Variants in DGKG observed in about 807,000 individuals in gnomAD.
DGKG encodes the protein diacylglycerol kinase gamma.
DGKG carries 78 observed loss-of-function variants against 105.3 expected under a neutral mutation model. That is an observed-to-expected ratio of 0.74 (90% CI 0.62 to 0.89). The LOEUF (loss-of-function observed/expected upper bound fraction) is 0.89. DGKG is among the 40% of genes least tolerant of loss of function. The pLI is 0.00. For missense variants in DGKG, 958 were observed against 1,020.1 expected (o/e 0.94, Z 0.83); for synonymous variants, 346 against 367.1 (o/e 0.94, Z 0.66).
rs1156801827 is a variant in DGKG, at chr3:186,260,529, G to A, written c.1350-16C>T. 3.2e-6 allele frequency: 5 copies of A among 1,566,572 alleles called. No individual in the cohort carries two copies. The highest frequency in any genetic ancestry group is 2.2e-5 in the South Asian group (2 of 89,216). ...CCGAAGAATTCTATGGAAAAAAAAA[G>A]AAAAGGAGGGAGAGAGAGAGACAGA... On this transcript the variant is annotated splice_polypyrimidine_tract_variant and intron_variant, in intron 15 of 24. Transcript: ENST00000265022.
intron 23 of DGKG, among the ~76,000 whole-genome samples, chr3:186,163,373 T>C (rs1418575104): frequency 6.6e-6 from 1 of 152,142 alleles, no homozygotes; most frequent in Non-Finnish European, 1.5e-5. Context: ...GAATTCATAA[T>C]ACATTGCTTT....
At position 186,242,609 on chromosome 3, in the gene DGKG, C is replaced by A; in HGVS notation, c.1762-41G>T. ...ACAAAGCAGATCCTTGGTGAGTGGT[C>A]ATGACAGTGCAGTGCGGAGGGAAGG... On this transcript the variant is annotated intron_variant, in intron 19 of 24. Transcript: ENST00000265022. The A allele has an allele frequency of 1.9e-6, 3 of 1,581,846 alleles. No individual in the cohort carries two copies. In the South Asian group the frequency reaches 3.4e-5, roughly 18 times the overall value.
chr3:186,360,752 T>C (rs1727188211), intron 1 of DGKG, among the ~76,000 whole-genome samples: 1 of 152,196 alleles, frequency 6.6e-6, no homozygotes, highest in African/African-American at 2.4e-5. Context: ...ATAACAAAGT[T>C]GATTCCCCCA....
At chr3:186,267,299 G>A (rs934120803) in intron 13 of DGKG, among the ~76,000 whole-genome samples, 5 of 152,236 alleles carry the variant, frequency 3.3e-5, no homozygotes, top group African/African-American at 9.6e-5. Context: ...CAGGGTACTC[G>A]GGGTGGTCAG....
At chr3:186,356,721 G>A (rs1277202190) in intron 1 of DGKG, among the ~76,000 whole-genome samples, 2 of 152,162 alleles carry the variant, frequency 1.3e-5, no homozygotes, top group African/African-American at 4.8e-5. Flanking sequence ...GGAGCAAATG[G>A]CCCATGAGGT....
In DGKG at chr3:186,148,283, G is replaced by C. The variant is rs891448427; in HGVS notation, c.*1807C>G. 1 of 985,460 alleles carries C rather than the reference G, an allele frequency of 1.0e-6. No homozygotes were observed. Among genetic ancestry groups the C allele is most frequent in the Non-Finnish European group, 1.2e-6 (1 of 829,962 alleles). 61.0% of individuals were successfully genotyped at this position (985,460 alleles called of 1,614,324 possible). A position where few individuals can be genotyped will look rare whatever the true frequency, so the allele number is the denominator to read the frequency against. On this transcript the variant is annotated 3_prime_UTR_variant, in exon 25 of 25. Coordinates refer to ENST00000265022, the MANE Select transcript of DGKG (RefSeq NM_001346.3). ...TGCAGAAGACGCCTCAGTCCTTCTT[G>C]TGACTCTCCACTGAGGTCATCCCTG...
chr3:186,289,794 G>A (rs1198293415), intron 5 of DGKG, among the ~76,000 whole-genome samples: 2 of 152,202 alleles, frequency 1.3e-5, no homozygotes, highest in African/African-American at 2.4e-5. Context: ...AGTACTGAAG[G>A]TAGAGGCAGT....
intron 21 of DGKG, among the ~76,000 whole-genome samples, chr3:186,202,922 A>T (rs1365122162): frequency 6.6e-6 from 1 of 152,280 alleles, no homozygotes; most frequent in Non-Finnish European, 1.5e-5. Context: ...AGATAGAGCC[A>T]GGAGTCTGAA....
chr3:186,327,163 C>G (rs529793041), intron 1 of DGKG, among the ~76,000 whole-genome samples: 1 of 152,122 alleles, frequency 6.6e-6, no homozygotes, highest in East Asian at 1.9e-4. Context: ...GATCCCGTCT[C>G]AAAACAAAAA....
chr3:186,254,557 G>C (rs1467535387), intron 17 of DGKG, among the ~76,000 whole-genome samples: 1 of 152,150 alleles, frequency 6.6e-6, no homozygotes, highest in Admixed American at 6.5e-5. Context: ...GTTTAGGCTA[G>C]AAAGCTGTAT....
At chr3:186,253,871 G>C (rs1354870847) in intron 17 of DGKG, among the ~76,000 whole-genome samples, 1 of 152,122 alleles carries the variant, frequency 6.6e-6, no homozygotes, top group Admixed American at 6.5e-5. Flanking sequence ...ACCTTCAACT[G>C]TTCACCACTC....
intron 22 of DGKG, among the ~76,000 whole-genome samples, chr3:186,165,876 TA>T (rs879865936): frequency 1.4e-4 from 22 of 152,314 alleles, no homozygotes; most frequent in Non-Finnish European, 2.6e-4. Flanking sequence ...AGAAGCAAAA[TA>T]AAACGGCAGA....
chr3:186,200,840 G>GAAC (rs927038165), intron 21 of DGKG, among the ~76,000 whole-genome samples: 21 of 152,330 alleles, frequency 1.4e-4, no homozygotes, highest in African/African-American at 5.1e-4. Context: ...ACCTGCTTAA[G>GAAC]AACATCCCAT....
chr3:186,338,261 T>C (rs1358300273), intron 1 of DGKG, among the ~76,000 whole-genome samples: 1 of 149,960 alleles, frequency 6.7e-6, no homozygotes, highest in Non-Finnish European at 1.5e-5. Flanking sequence ...TGGAGAAAAA[T>C]GGAGAAACCT....
chr3:186,212,092 A>G (rs1398373559), intron 20 of DGKG, among the ~76,000 whole-genome samples: 1 of 152,226 alleles, frequency 6.6e-6, no homozygotes, highest in East Asian at 1.9e-4. Context: ...CTTATTTCTT[A>G]GACATCACGG....
At chr3:186,180,907 C>T (rs1717328386) in intron 22 of DGKG, among the ~76,000 whole-genome samples, 1 of 152,210 alleles carries the variant, frequency 6.6e-6, no homozygotes, top group African/African-American at 2.4e-5. Flanking sequence ...ACCATACGTG[C>T]TTGCAAAGTA....
chr3:186,238,292 T>TA (rs5855085), intron 20 of DGKG, among the ~76,000 whole-genome samples: 68,314 of 81,222 alleles, frequency 0.84, 30,132 homozygotes, highest in East Asian at 0.95. Context: ...TGACTCTTTC[T>TA]AAAAAAAAAA....
At chr3:186,307,795 T>G (rs1724322173) in intron 2 of DGKG, among the ~76,000 whole-genome samples, 1 of 151,916 alleles carries the variant, frequency 6.6e-6, no homozygotes, top group African/African-American at 2.4e-5. Flanking sequence ...TTAAACCCCA[T>G]AAGGCTCTGT....
chr3:186,316,446 A>G (rs1724823555), intron 2 of DGKG, among the ~76,000 whole-genome samples: 1 of 152,210 alleles, frequency 6.6e-6, no homozygotes, highest in South Asian at 2.1e-4. Context: ...TTTATACATA[A>G]ACATGCTAGT....
Sources: allele counts gnomAD v4.1 joint callset (sites outside exome capture counted in the v4.1 genomes callset), GRCh38; gene constraint gnomAD v4.1.1; transcripts MANE v1.5; gene names NCBI Gene and HGNC (gene_info 2026-07-23, HGNC 2026-07-21).